Variants in GLI3 observed in about 807,000 individuals in gnomAD.
GLI3 encodes transcription activator GLI3.
Under a neutral mutation model 100.8 loss-of-function variants are expected in GLI3, and 20 were observed. The observed-to-expected ratio is 0.20, with a 90% CI of 0.14 to 0.29. The LOEUF (loss-of-function observed/expected upper bound fraction) is 0.29. Among genes scored for constraint, GLI3 ranks in the 10% least tolerant of loss-of-function variants. GLI3 has a pLI of 1.00. For synonymous variants in GLI3, 938 were observed against 860.5 expected, an observed-to-expected ratio of 1.09 and a Z score of -1.58; for missense variants, 2,040 against 2,128.5, an observed-to-expected ratio of 0.96 and a Z score of 0.82.
At chr7:41,988,376 T>C (rs1200493993) in intron 10 of GLI3, among the ~76,000 whole-genome samples, 1 of 146,278 alleles carries the variant, frequency 6.8e-6, no homozygotes, top group Non-Finnish European at 1.5e-5. Context: ...GGCAGGAGAA[T>C]CACTTGAACC....
intron 3 of GLI3, among the ~76,000 whole-genome samples, chr7:42,123,755 C>T (rs558758549): frequency 1.2e-4 from 18 of 152,038 alleles, no homozygotes; most frequent in East Asian, 7.7e-4. Context: ...CTTTTTAAGA[C>T]GGAAAATGTA....
rs144630927 is a variant in GLI3, at chr7:42,037,126, G to A, written c.1028+2912C>T. On this transcript the variant is annotated intron_variant, in intron 7 of 14. Transcript: ENST00000395925. ...ACTTCACTCCAGCCTGGGCAAAAGA[G>A]TGAAACTCTGTCTCAAAAAAAAATA... 4.7e-3 allele frequency among the ~76,000 whole-genome samples: 719 copies of A among 152,012 alleles called. 3 individuals are homozygous for A. The highest frequency in any genetic ancestry group is 0.031 in the Middle Eastern group (9 of 294).
At chr7:42,087,776 T>A (rs1009877003) in intron 3 of GLI3, among the ~76,000 whole-genome samples, 3 of 152,084 alleles carry the variant, frequency 2.0e-5, no homozygotes, top group Admixed American at 1.3e-4. Flanking sequence ...GCTATTATTG[T>A]TACGCTTTGG....
intron 10 of GLI3, among the ~76,000 whole-genome samples, chr7:42,021,225 T>C (rs1276619974): frequency 6.6e-6 from 1 of 152,226 alleles, no homozygotes; most frequent in Non-Finnish European, 1.5e-5. Flanking sequence ...TTTAATTAAG[T>C]TTATTTACTC....
intron 1 of GLI3, among the ~76,000 whole-genome samples, chr7:42,257,050 T>G (rs1056216513): frequency 6.6e-6 from 1 of 152,150 alleles, no homozygotes; most frequent in Non-Finnish European, 1.5e-5. Context: ...TGAATTCAAT[T>G]TTTTAAACTT....
intron 12 of GLI3, among the ~76,000 whole-genome samples, chr7:41,973,770 T>C (rs1787430567): frequency 6.6e-6 from 1 of 152,174 alleles, no homozygotes; most frequent in Non-Finnish European, 1.5e-5. Flanking sequence ...GACTGAGTGC[T>C]ACCTAAAATG....
At chr7:41,986,296 T>A (rs1486127222) in intron 10 of GLI3, among the ~76,000 whole-genome samples, 1 of 152,204 alleles carries the variant, frequency 6.6e-6, no homozygotes, top group South Asian at 2.1e-4. Flanking sequence ...TTTTCTTATG[T>A]GTAAGAAAGG....
At chr7:42,048,117 G>A (rs116931547) in intron 5 of GLI3, among the ~76,000 whole-genome samples, 7 of 152,262 alleles carry the variant, frequency 4.6e-5, no homozygotes, top group African/African-American at 9.6e-5. Flanking sequence ...ACACATGCAC[G>A]TGTGTGAATG....
At chr7:42,075,143 T>C (rs1004716283) in intron 4 of GLI3, among the ~76,000 whole-genome samples, 15 of 152,176 alleles carry the variant, frequency 9.9e-5, no homozygotes, top group African/African-American at 2.7e-4. Context: ...GGGGTTTTTA[T>C]TGATAAATTC....
Position 41,964,568 on chromosome 7 carries a change from A to G in GLI3, c.4505T>C (p.Val1502Ala). The G allele has an allele frequency of 6.2e-7, 1 of 1,613,946 alleles. No homozygotes were observed. The highest frequency in any genetic ancestry group is 1.1e-5 in the South Asian group (1 of 91,070). Residue 1502 changes from valine (V) to alanine (A), a missense_variant, in exon 15 of 15, where the codon GTA (valine) becomes GCA (alanine). Transcript: ENST00000395925. ...DSLDSHDLEG[V>A]QIDFDAIIDD... The stretch of plus-strand genomic sequence containing the variant: ...TATGATGGCATCGAAGTCAATCTGT[A>G]CCCCTTCCAGGTCATGGCTGTCGAG...
At chr7:42,151,690 T>C (rs1241717184) in intron 2 of GLI3, 2 of 152,166 alleles carry the variant, frequency 1.3e-5, no homozygotes, top group African/African-American at 4.8e-5. Flanking sequence ...TTCACTAAAA[T>C]CTTTCAGGAA....
chr7:42,088,585 C>A (rs1785152602), intron 3 of GLI3, among the ~76,000 whole-genome samples: 1 of 152,224 alleles, frequency 6.6e-6, no homozygotes, highest in African/African-American at 2.4e-5. Flanking sequence ...CCTGGGCCTG[C>A]AAGCCCACCA....
At chr7:42,118,574 G>C (rs372090493) in intron 3 of GLI3, among the ~76,000 whole-genome samples, 4 of 152,082 alleles carry the variant, frequency 2.6e-5, no homozygotes, top group African/African-American at 9.7e-5. Flanking sequence ...GTTTCTTTTC[G>C]CTCTTAAGCA....
intron 2 of GLI3, among the ~76,000 whole-genome samples, chr7:42,181,564 C>A (rs1240861530): frequency 6.6e-6 from 1 of 152,192 alleles, no homozygotes; most frequent in African/African-American, 2.4e-5. Context: ...ATGATCACAA[C>A]TTTGCATTCT....
chr7:42,068,409 T>C (rs1164342939), intron 4 of GLI3, among the ~76,000 whole-genome samples: 1 of 152,210 alleles, frequency 6.6e-6, no homozygotes, highest in African/African-American at 2.4e-5. Context: ...TATAGCTCTC[T>C]GCCAAAACAT....
chr7:41,974,052 T>C (rs926613711), intron 12 of GLI3, among the ~76,000 whole-genome samples: 4 of 152,140 alleles, frequency 2.6e-5, no homozygotes, highest in African/African-American at 7.2e-5. Context: ...CTGTGACAGG[T>C]TGTTCCATCA....
intron 3 of GLI3, among the ~76,000 whole-genome samples, chr7:42,117,169 G>C (rs1314164462): frequency 6.6e-6 from 1 of 152,226 alleles, no homozygotes; most frequent in African/African-American, 2.4e-5. Flanking sequence ...ATGCGATGTT[G>C]AGATTTCACT....
intron 1 of GLI3, among the ~76,000 whole-genome samples, chr7:42,243,025 G>C (rs1788940673): frequency 6.6e-6 from 1 of 152,182 alleles, no homozygotes; most frequent in South Asian, 2.1e-4. Flanking sequence ...CACAGGAGGA[G>C]CTCTGAGATC....
chr7:42,182,664 A>ATATATATATACATGTGTG (rs1787629075), intron 2 of GLI3, among the ~76,000 whole-genome samples: 6 of 78,288 alleles, frequency 7.7e-5, no homozygotes, highest in African/African-American at 3.9e-4. Flanking sequence ...ATATATATAT[A>ATATATATATACATGTGTG]TATATATATA....
Sources: gnomAD v4.1 joint callset for allele counts (sites outside exome capture counted in the v4.1 genomes callset) on GRCh38, gnomAD v4.1.1 for gene constraint, MANE v1.5 for transcripts, NCBI Gene and HGNC (gene_info 2026-07-23, HGNC 2026-07-21) for gene names.